CTDSPL: variants seen among roughly 807,000 people sequenced by gnomAD.
The protein encoded by CTDSPL is CTD small phosphatase like, also known as CTD small phosphatase-like protein.
CTDSPL carries 8 observed loss-of-function variants against 30.5 expected under a neutral mutation model. That is an observed-to-expected ratio of 0.26 (90% confidence interval 0.15 to 0.47). The LOEUF is 0.47. CTDSPL is among the 20% of genes least tolerant of loss of function. CTDSPL has a pLI of 0.99. For missense variants in CTDSPL, 248 were observed against 366.1 expected, an observed-to-expected ratio of 0.68 and a Z score of 2.63; for synonymous variants, 110 against 137.9, an observed-to-expected ratio of 0.80 and a Z score of 1.42.
chr3:37,968,320 A>T (rs938353676), intron 5 of CTDSPL: 1 of 436,834 alleles, frequency 2.3e-6, no homozygotes, highest in African/African-American at 2.0e-5. Flanking sequence ...TCATTCCTGC[A>T]TCGTTTTCTC....
At position 37,980,944 on chromosome 3, in the gene CTDSPL, T is replaced by C. The variant is rs879585147; in HGVS notation, c.*77T>C. ...GGGGACCTGCCTGTCCTCAGCTCCC[T>C]GGGAGCTGAAAGTGAGGATACTCCG... is the stretch of plus-strand genomic sequence containing the variant. On this transcript the variant is annotated 3_prime_UTR_variant, in exon 8 of 8. Transcript: ENST00000273179. The C allele has an allele frequency of 4.4e-5, 66 of 1,508,766 alleles. No homozygotes were observed. The highest frequency in any genetic ancestry group is 5.5e-5 in the Non-Finnish European group (61 of 1,112,628). The allele number at this position is 1,508,766 out of a possible 1,614,324, so 93.5% of individuals were successfully genotyped here. A position where few individuals can be genotyped will look rare whatever the true frequency, so the allele number is the denominator to read the frequency against.
intron 6 of CTDSPL, among the ~76,000 whole-genome samples, chr3:37,972,784 G>C (rs1228466040): frequency 6.6e-6 from 1 of 152,148 alleles, no homozygotes; most frequent in Non-Finnish European, 1.5e-5. Flanking sequence ...ACTCTGATGG[G>C]GCTGACACCA....
At chr3:37,927,942 A>G (rs1420076207) in intron 1 of CTDSPL, among the ~76,000 whole-genome samples, 2 of 151,950 alleles carry the variant, frequency 1.3e-5, no homozygotes, top group African/African-American at 4.8e-5. Context: ...ATCATACAGT[A>G]TTTGTTCTGT....
intron 1 of CTDSPL, among the ~76,000 whole-genome samples, chr3:37,883,057 T>C (rs1052787276): frequency 1.3e-5 from 2 of 152,270 alleles, no homozygotes; most frequent in African/African-American, 4.8e-5. Flanking sequence ...AGTTCTACCT[T>C]GTTATCATGG....
chr3:37,920,881 G>A (rs997767973), intron 1 of CTDSPL, among the ~76,000 whole-genome samples: 10 of 152,154 alleles, frequency 6.6e-5, no homozygotes, highest in Non-Finnish European at 1.5e-4. Context: ...CCCAGTTCTG[G>A]TTCTTCCCTG....
chr3:37,978,317 A>G (rs1699452279), intron 7 of CTDSPL, among the ~76,000 whole-genome samples: 1 of 152,166 alleles, frequency 6.6e-6, no homozygotes, highest in Non-Finnish European at 1.5e-5. Context: ...AGTCTTTGAT[A>G]TAGGTTGAAT....
intron 1 of CTDSPL, among the ~76,000 whole-genome samples, chr3:37,901,285 G>C (rs1451467612): frequency 1.3e-5 from 2 of 152,152 alleles, no homozygotes; most frequent in Non-Finnish European, 2.9e-5. Context: ...CAGGAAGGGA[G>C]AACTCAGATC....
chr3:37,947,241 A>G (rs1239380361), intron 2 of CTDSPL, 30 bp downstream of exon 2: 2 of 1,594,754 alleles, frequency 1.3e-6, no homozygotes, highest in Non-Finnish European at 1.7e-6. Context: ...TGTGCCCTCC[A>G]TAAAACTGCA....
At chr3:37,886,143 T>C (rs1698260471) in intron 1 of CTDSPL, among the ~76,000 whole-genome samples, 1 of 152,168 alleles carries the variant, frequency 6.6e-6, no homozygotes, top group South Asian at 2.1e-4. Context: ...ACGTCCTACT[T>C]GGGCTGCCAA....
intron 1 of CTDSPL, among the ~76,000 whole-genome samples, chr3:37,887,603 G>T (rs190185165): frequency 3.7e-4 from 56 of 152,276 alleles, no homozygotes; most frequent in African/African-American, 1.2e-3. Context: ...TCCCAGGATG[G>T]TTATAAGGAT....
rs1697947976 is a variant in CTDSPL at position 37,862,169 on chromosome 3, G to A, written c.-31G>A. On this transcript the variant is annotated 5_prime_UTR_variant, in exon 1 of 8. Transcript: ENST00000273179. The surrounding 1 kb of genome is among the most constrained non-coding windows in gnomAD (Gnocchi z 4.3). The stretch of plus-strand genomic sequence containing the variant: ...CGCGCGCTTGGCTTGCGGGGGGCCG[G>A]GCCTGCGGGCGGCCGCCGCGCCGCG... 9.2e-7 allele frequency: 1 copy of A among 1,087,594 alleles called. No individual in the cohort carries two copies. The highest frequency in any genetic ancestry group is 1.1e-6 in the Non-Finnish European group (1 of 894,098). The allele number at this position is 1,087,594 out of a possible 1,614,324, so 67.4% of individuals were successfully genotyped here. A position where few individuals can be genotyped will look rare whatever the true frequency, so the allele number is the denominator to read the frequency against.
intron 7 of CTDSPL, among the ~76,000 whole-genome samples, chr3:37,980,470 G>A (rs1699477136): frequency 6.6e-6 from 1 of 152,172 alleles, no homozygotes; most frequent in African/African-American, 2.4e-5. Context: ...TCTATGCTCT[G>A]GCCACCTTTT....
chr3:37,951,005 A>G (rs1437625477), intron 2 of CTDSPL, among the ~76,000 whole-genome samples: 1 of 152,184 alleles, frequency 6.6e-6, no homozygotes, highest in African/African-American at 2.4e-5. Context: ...ATATGTAATG[A>G]TTCAGAGAGG....
intron 1 of CTDSPL, among the ~76,000 whole-genome samples, chr3:37,881,276 C>T (rs1405438414): frequency 1.3e-5 from 2 of 152,074 alleles, no homozygotes; most frequent in African/African-American, 4.8e-5. Flanking sequence ...CACCTGTAAT[C>T]CCAGCACTTT....
intron 1 of CTDSPL, chr3:37,911,596 C>T (rs1391941933): frequency 4.5e-6 from 2 of 446,890 alleles, no homozygotes; most frequent in African/African-American, 4.0e-5. Flanking sequence ...CCAACATGAA[C>T]CTTTGGCAAA....
At chr3:37,886,839 G>T (rs887771895) in intron 1 of CTDSPL, among the ~76,000 whole-genome samples, 1 of 152,152 alleles carries the variant, frequency 6.6e-6, no homozygotes, top group Non-Finnish European at 1.5e-5. Context: ...AAGCCCAATA[G>T]GGGGAAACTC....
At chr3:37,928,069 A>C (rs1202446860) in intron 1 of CTDSPL, among the ~76,000 whole-genome samples, 2 of 152,146 alleles carry the variant, frequency 1.3e-5, no homozygotes, top group African/African-American at 4.8e-5. Flanking sequence ...CACGTGTCAA[A>C]ATTTATTTCC....
chr3:37,901,289 T>G (rs141015014), intron 1 of CTDSPL, among the ~76,000 whole-genome samples: 1 of 152,274 alleles, frequency 6.6e-6, no homozygotes, highest in African/African-American at 2.4e-5. Context: ...AAGGGAGAAC[T>G]CAGATCCACT....
intron 5 of CTDSPL, 49 bp downstream of exon 5, chr3:37,967,931 T>C: frequency 8.1e-7 from 1 of 1,234,338 alleles, no homozygotes; most frequent in South Asian, 1.3e-5. Context: ...TTTTTAGTAC[T>C]TACATTTCCT....
Sources: allele counts gnomAD v4.1 joint callset (sites outside exome capture counted in the v4.1 genomes callset), GRCh38; gene constraint gnomAD v4.1.1; non-coding constraint Gnocchi (gnomAD v3.1); transcripts MANE v1.5; gene names NCBI Gene and HGNC (gene_info 2026-07-23, HGNC 2026-07-21).